TBC1D5: variants seen among roughly 807,000 people sequenced by gnomAD.
TBC1D5 encodes the protein TBC1 domain family, member 5.
In TBC1D5, 75 loss-of-function variants were observed where a neutral mutation model predicts 100.3. The ratio of observed to expected loss-of-function variants is 0.75; its 90% CI spans 0.62 to 0.91. The LOEUF (loss-of-function observed/expected upper bound fraction) is 0.91, where lower values mean the gene tolerates loss of function less well. Among genes scored for constraint, TBC1D5 ranks in the 40% least tolerant of loss-of-function variants. TBC1D5 has a pLI of 0.00. For synonymous variants in TBC1D5, 323 were observed against 325.6 expected, an observed-to-expected ratio of 0.99 and a Z score of 0.09; for missense variants, 910 against 942.4, an observed-to-expected ratio of 0.97 and a Z score of 0.45.
intron 2 of TBC1D5, among the ~76,000 whole-genome samples, chr3:17,521,882 T>C (rs575697618): frequency 2.0e-4 from 31 of 152,112 alleles, no homozygotes; most frequent in Non-Finnish European, 3.8e-4. Flanking sequence ...AAATATGTTG[T>C]AGTCCATATT....
chr3:17,251,433 C>T (rs140155931), intron 16 of TBC1D5, among the ~76,000 whole-genome samples: 5,187 of 144,508 alleles, frequency 0.036, 230 homozygotes, highest in Non-Finnish European at 0.054. Flanking sequence ...GAACCCCCCC[C>T]CCCCCAGTAG....
At chr3:17,379,291 G>C (rs371747787) in intron 9 of TBC1D5, among the ~76,000 whole-genome samples, 1 of 151,910 alleles carries the variant, frequency 6.6e-6, no homozygotes, top group African/African-American at 2.4e-5. Context: ...TTCTTACTAG[G>C]TTTATCATGA....
At chr3:17,508,693 G>T in intron 2 of TBC1D5, 88 bp from the exon 3 acceptor site, 1 of 633,016 alleles carries the variant, frequency 1.6e-6, no homozygotes, top group South Asian at 2.1e-5. Context: ...GATTACATGA[G>T]CATTACAGAC....
At chr3:17,279,102 T>C (rs1559540588) in intron 15 of TBC1D5, among the ~76,000 whole-genome samples, 1 of 152,236 alleles carries the variant, frequency 6.6e-6, no homozygotes, top group Non-Finnish European at 1.5e-5. Flanking sequence ...TTCAAAATAT[T>C]TTGCATGATA....
chr3:17,429,576 T>A (rs116572916), intron 3 of TBC1D5, among the ~76,000 whole-genome samples: 1 of 151,874 alleles, frequency 6.6e-6, no homozygotes, highest in Non-Finnish European at 1.5e-5. Context: ...GAAGGTGCAA[T>A]AGGAAATCAT....
At chr3:17,367,864 A>T (rs2092253963) in intron 13 of TBC1D5, among the ~76,000 whole-genome samples, 1 of 152,154 alleles carries the variant, frequency 6.6e-6, no homozygotes, top group Admixed American at 6.5e-5. Context: ...CTCTCAAAAA[A>T]AAAAGAAAAA....
chr3:17,354,551 ACCT>A (rs765841012), intron 13 of TBC1D5, among the ~76,000 whole-genome samples: 2 of 151,990 alleles, frequency 1.3e-5, no homozygotes, highest in Non-Finnish European at 2.9e-5. Flanking sequence ...GTTTAAAATT[ACCT>A]CCGAGTTGGT....
At chr3:17,261,094 A>G (rs930826890) in intron 15 of TBC1D5, among the ~76,000 whole-genome samples, 2 of 152,250 alleles carry the variant, frequency 1.3e-5, no homozygotes, top group African/African-American at 4.8e-5. Context: ...ACATCTAGAC[A>G]TGAACAATAA....
chr3:17,413,808 CAAT>C (rs1201116746), intron 4 of TBC1D5, among the ~76,000 whole-genome samples: 3 of 152,082 alleles, frequency 2.0e-5, no homozygotes, highest in African/African-American at 7.2e-5. Context: ...GGAAAGGAAA[CAAT>C]GTGTTTGTGG....
At chr3:17,599,173 C>T (rs1213281876) in intron 2 of TBC1D5, among the ~76,000 whole-genome samples, 2 of 152,036 alleles carry the variant, frequency 1.3e-5, no homozygotes, top group African/African-American at 2.4e-5. Context: ...GGGGATGTTC[C>T]CCCACAAAGG....
chr3:17,288,180 G>C (rs115144754), intron 15 of TBC1D5, among the ~76,000 whole-genome samples: 1,959 of 152,124 alleles, frequency 0.013, 34 homozygotes, highest in African/African-American at 0.044. Flanking sequence ...AGCATAAATA[G>C]CCTCTTTTAT....
At chr3:17,362,581 C>T (rs1245696471) in intron 13 of TBC1D5, among the ~76,000 whole-genome samples, 1 of 151,958 alleles carries the variant, frequency 6.6e-6, no homozygotes, top group African/African-American at 2.4e-5. Context: ...AAGAGGTTCT[C>T]GTGCCTCAGC....
intron 2 of TBC1D5, among the ~76,000 whole-genome samples, chr3:17,545,170 G>A (rs2096402642): frequency 6.6e-6 from 1 of 152,004 alleles, no homozygotes; most frequent in African/African-American, 2.4e-5. Context: ...AGTAACCTCA[G>A]TGTGTGACTT....
chr3:17,649,092 G>C (rs2065285843), intron 1 of TBC1D5, among the ~76,000 whole-genome samples: 1 of 152,136 alleles, frequency 6.6e-6, no homozygotes, highest in Non-Finnish European at 1.5e-5. Flanking sequence ...GCCCATCAGT[G>C]ACAGATTGGA....
At chr3:17,345,814 G>C (rs141257884) in intron 13 of TBC1D5, among the ~76,000 whole-genome samples, 1 of 151,916 alleles carries the variant, frequency 6.6e-6, no homozygotes, top group East Asian at 1.9e-4. Flanking sequence ...GCAAACTATC[G>C]CAAGGACAAA....
intron 14 of TBC1D5, among the ~76,000 whole-genome samples, chr3:17,295,276 C>T (rs1006455624): frequency 2.0e-5 from 3 of 152,230 alleles, no homozygotes; most frequent in African/African-American, 7.2e-5. Flanking sequence ...TTTAGGCAAG[C>T]TGCCCAACTT....
chr3:17,653,920 T>A (rs1185837759), intron 1 of TBC1D5, among the ~76,000 whole-genome samples: 1 of 152,094 alleles, frequency 6.6e-6, no homozygotes, highest in African/African-American at 2.4e-5. Flanking sequence ...CTGACATAAA[T>A]TAAGTGAATA....
chr3:17,489,403 T>G (rs2095610520), intron 3 of TBC1D5, among the ~76,000 whole-genome samples: 1 of 152,130 alleles, frequency 6.6e-6, no homozygotes, highest in Admixed American at 6.5e-5. Context: ...CTTAGAAGGG[T>G]TGAAAAACTA....
intron 2 of TBC1D5, among the ~76,000 whole-genome samples, chr3:17,581,679 C>G (rs2096698063): frequency 6.6e-6 from 1 of 152,174 alleles, no homozygotes. Flanking sequence ...TCTACATGAT[C>G]TCTCTGCTTC....
Sources: allele counts gnomAD v4.1 joint callset (sites outside exome capture counted in the v4.1 genomes callset), GRCh38; gene constraint gnomAD v4.1.1; transcripts MANE v1.5; gene names NCBI Gene and HGNC (gene_info 2026-07-23, HGNC 2026-07-21).